The following PEBP4 variants were observed in gnomAD, a reference collection of about 807,000 sequenced individuals.
PEBP4 encodes phosphatidylethanolamine binding protein 4.
PEBP4 carries 22 observed loss-of-function variants against 23.9 expected under a neutral mutation model. The observed-to-expected ratio is 0.92, with a 90% CI of 0.66 to 1.31. The LOEUF (loss-of-function observed/expected upper bound fraction) is 1.31. Ranked by LOEUF, PEBP4 falls within the 40% of genes most tolerant of loss-of-function variation. The probability of loss-of-function intolerance (pLI) is 0.00; values close to 1 mark genes in which losing one functional copy is unlikely to be tolerated. For synonymous variants in PEBP4, 112 were observed against 99.3 expected, an observed-to-expected ratio of 1.13 and a Z score of -0.76; for missense variants, 324 against 281.7, an observed-to-expected ratio of 1.15 and a Z score of -1.07.
At chr8:22,859,228 T>C (rs1001309096) in intron 3 of PEBP4, among the ~76,000 whole-genome samples, 2 of 152,148 alleles carry the variant, frequency 1.3e-5, no homozygotes, top group Non-Finnish European at 2.9e-5. Context: ...ACTCCCCCCG[T>C]GGAGCCTGCA....
intron 3 of PEBP4, chr8:22,895,628 T>G (rs1292223998): frequency 6.6e-6 from 1 of 152,218 alleles, no homozygotes; most frequent in African/African-American, 2.4e-5. Context: ...TCTACTCTGC[T>G]CTCTTTTCTT....
chr8:22,937,472 A>G (rs1293078320), intron 1 of PEBP4, among the ~76,000 whole-genome samples: 1 of 152,220 alleles, frequency 6.6e-6, no homozygotes, highest in African/African-American at 2.4e-5. Flanking sequence ...ATGCTCATGG[A>G]GTGGAAGACT....
chr8:22,930,695 G>A (rs564180271), upstream of PEBP4, among the ~76,000 whole-genome samples: 3 of 152,176 alleles, frequency 2.0e-5, no homozygotes, highest in South Asian at 2.1e-4. Flanking sequence ...TTTTTGTGCA[G>A]AGAGATCTGG....
intron 4 of PEBP4, among the ~76,000 whole-genome samples, chr8:22,740,901 GAAGGGA>G (rs1457756235): frequency 6.6e-6 from 1 of 152,176 alleles, no homozygotes; most frequent in Admixed American, 6.5e-5. Context: ...TTCCTGGGGA[GAAGGGA>G]AAGGGCTGGG....
chr8:22,717,430 G>T (rs376805726), intron 6 of PEBP4, among the ~76,000 whole-genome samples: 4 of 152,238 alleles, frequency 2.6e-5, no homozygotes, highest in South Asian at 4.1e-4. Flanking sequence ...ACTGGTCCTT[G>T]GTCCTCAGTA....
intron 3 of PEBP4, among the ~76,000 whole-genome samples, chr8:22,869,659 TTG>T (rs1340673846): frequency 2.0e-5 from 3 of 152,134 alleles, no homozygotes; most frequent in African/African-American, 7.2e-5. Flanking sequence ...AAAGACATAC[TTG>T]ATAATGGACT....
At chr8:22,874,586 T>C (rs749496768) in intron 3 of PEBP4, among the ~76,000 whole-genome samples, 3 of 151,698 alleles carry the variant, frequency 2.0e-5, no homozygotes. Flanking sequence ...AATTCAGGAG[T>C]AAGAAAGAAA....
chr8:22,872,134 C>A (rs546631515), intron 3 of PEBP4, among the ~76,000 whole-genome samples: 2 of 152,286 alleles, frequency 1.3e-5, no homozygotes, highest in African/African-American at 4.8e-5. Context: ...TGGGTAGTAT[C>A]CTATGGTATG....
intron 3 of PEBP4, among the ~76,000 whole-genome samples, chr8:22,844,848 T>C (rs116392233): frequency 0.011 from 1,717 of 152,242 alleles, 28 homozygotes; most frequent in African/African-American, 0.039. Context: ...GATTGGACCA[T>C]GGTGGGCACT....
rs142238029 is a variant in PEBP4 at position 22,721,520 on chromosome 8, C to G, written c.517+3323G>C. Among the ~76,000 whole-genome samples the G allele has an allele frequency of 4.8e-3, 737 of 152,214 alleles. 2 individuals are homozygous for G. The highest frequency in any genetic ancestry group is 0.017 in the African/African-American group (697 of 41,520). ...CTCAAGCCTCCTTCTTCACCCTAAG[C>G]CTGTCATTTACCCATAAGATCCAGG... On this transcript the variant is annotated intron_variant, in intron 6 of 6. Coordinates refer to ENST00000256404, the MANE Select transcript of PEBP4 (RefSeq NM_144962.3).
At chr8:22,737,065 G>A (rs183947132) in intron 4 of PEBP4, among the ~76,000 whole-genome samples, 82 of 152,212 alleles carry the variant, frequency 5.4e-4, no homozygotes, top group Non-Finnish European at 1.0e-3. Flanking sequence ...AGGCCGAGGC[G>A]GGCGGATCAC....
intron 4 of PEBP4, among the ~76,000 whole-genome samples, chr8:22,742,735 C>CAG (rs140848195): frequency 4.6e-5 from 7 of 151,958 alleles, no homozygotes; most frequent in African/African-American, 1.2e-4. Flanking sequence ...TGGAAAAAGG[C>CAG]AGAGAGAGAG....
At chr8:22,777,115 C>A (rs1015221052) in intron 4 of PEBP4, among the ~76,000 whole-genome samples, 6 of 152,030 alleles carry the variant, frequency 3.9e-5, no homozygotes, top group African/African-American at 1.5e-4. Flanking sequence ...AAGTGAGAAA[C>A]TGGGAAAGAC....
At chr8:22,828,138 G>A (rs565790551) in intron 3 of PEBP4, among the ~76,000 whole-genome samples, 11 of 152,186 alleles carry the variant, frequency 7.2e-5, no homozygotes, top group Non-Finnish European at 1.5e-4. Flanking sequence ...AAGGGAAAAT[G>A]GAGGCAGCAG....
chr8:22,762,830 C>T (rs1240174090), intron 4 of PEBP4, among the ~76,000 whole-genome samples: 1 of 152,134 alleles, frequency 6.6e-6, no homozygotes, highest in Non-Finnish European at 1.5e-5. Context: ...CTGAAAGGGG[C>T]TATGCATGTC....
chr8:22,815,078 G>C (rs1806710070), intron 4 of PEBP4: 1 of 152,228 alleles, frequency 6.6e-6, no homozygotes, highest in Admixed American at 6.5e-5. Context: ...CATTAGCTAA[G>C]AGATGGCATC....
intron 3 of PEBP4, chr8:22,896,015 G>C (rs1259597519): frequency 6.6e-6 from 1 of 152,238 alleles, no homozygotes; most frequent in East Asian, 1.9e-4. Flanking sequence ...CAGATTTGCT[G>C]TGTGGCATCA....
chr8:22,741,601 C>T (rs1195226290), intron 4 of PEBP4, among the ~76,000 whole-genome samples: 1 of 152,184 alleles, frequency 6.6e-6, no homozygotes, highest in African/African-American at 2.4e-5. Flanking sequence ...ACTGCTCTCT[C>T]AGGCAAGTGA....
At chr8:22,728,449 G>A (rs1410268429) in intron 4 of PEBP4, among the ~76,000 whole-genome samples, 3 of 152,102 alleles carry the variant, frequency 2.0e-5, no homozygotes, top group Non-Finnish European at 4.4e-5. Flanking sequence ...CTTCCCCCAC[G>A]AGCCCCTTGT....
Sources: gnomAD v4.1 joint callset for allele counts (sites outside exome capture counted in the v4.1 genomes callset) on GRCh38, gnomAD v4.1.1 for gene constraint, MANE v1.5 for transcripts, NCBI Gene and HGNC (gene_info 2026-07-23, HGNC 2026-07-21) for gene names.